NFIB: variants seen among roughly 807,000 people sequenced by gnomAD.
The protein encoded by NFIB is nuclear factor 1 B-type.
NFIB carries 11 observed loss-of-function variants against 61.5 expected under a neutral mutation model. That is an observed-to-expected ratio of 0.18 (90% confidence interval 0.11 to 0.30). The LOEUF (loss-of-function observed/expected upper bound fraction) is 0.30. NFIB is among the 10% of genes least tolerant of loss of function. The pLI is 1.00. For missense variants in NFIB, 471 were observed against 608.9 expected, an observed-to-expected ratio of 0.77 and a Z score of 2.38; for synonymous variants, 260 against 216.5, an observed-to-expected ratio of 1.20 and a Z score of -1.76.
intron 7 of NFIB, among the ~76,000 whole-genome samples, chr9:14,124,988 A>G (rs2039440699): frequency 2.0e-5 from 3 of 152,204 alleles, no homozygotes; most frequent in Admixed American, 1.3e-4. Flanking sequence ...ACTCAGCAAC[A>G]TAACTGAAAT....
the NFIB span, among the ~76,000 whole-genome samples, chr9:14,452,438 GAAGGAAAGGAAAGGA>G: frequency 8.2e-5 from 2 of 24,244 alleles, no homozygotes; most frequent in Non-Finnish European, 7.2e-5. Context: ...GGAGGGAGGG[GAAGGAAAGGAAAGGA>G]AAGGAAAGGA....
In NFIB at chr9:14,105,443, TACA is replaced by T. The variant is rs1172565953; in HGVS notation, c.1467+7553_1467+7555del. ...ATCTGTTTAGATTGTGCACTACCAT[TACA>T]ACATTTCTTGAACTTTCTGAGGAGA... is the stretch of plus-strand genomic sequence containing the variant. On this transcript the variant is annotated intron_variant, in intron 10 of 10. Coordinates refer to ENST00000380953, the MANE Select transcript of NFIB (RefSeq NM_001190737.2). 9.8e-5 allele frequency among the ~76,000 whole-genome samples: 15 copies of T among 152,320 alleles called. No homozygotes were observed. The East Asian group carries it at 2.5e-3, about 25-fold the overall frequency.
chr9:14,087,655 A>T lies in NFIB; in HGVS notation c.*654T>A, dbSNP rs556179175. The stretch of plus-strand genomic sequence containing the variant: ...TGGAAAAGGCTGGGTTAAGGGCCGA[A>T]ATTTAATAAATCTGTACTGATAACT... On this transcript the variant is annotated 3_prime_UTR_variant, in exon 11 of 11. Coordinates refer to ENST00000380953, the MANE Select transcript of NFIB (RefSeq NM_001190737.2). 4.6e-6 allele frequency: 1 copy of T among 216,810 alleles called. No individual in the cohort carries two copies. Among genetic ancestry groups the T allele is most frequent in the South Asian group, 1.9e-4 (1 of 5,394 alleles). The allele number at this position is 216,810 out of a possible 1,614,324, so 13.4% of individuals were successfully genotyped here.
Position 14,306,968 on chromosome 9 carries a change from A to G in NFIB, c.562+21T>C, listed in dbSNP as rs2060054269. The G allele has an allele frequency of 9.3e-6, 15 of 1,610,750 alleles. No individual in the cohort carries two copies. The South Asian group carries it at 1.6e-4, about 18-fold the overall frequency. ...GTAGGCGGTGTTTGCCGTGCTAGAA[A>G]AAAGAACAATCTGCTCCTACCTTGC... On this transcript the variant is annotated intron_variant, in intron 2 of 10. Transcript: ENST00000380953.
the NFIB span, among the ~76,000 whole-genome samples, chr9:14,407,769 T>C: frequency 6.6e-6 from 1 of 152,152 alleles, no homozygotes; most frequent in Admixed American, 6.6e-5. Context: ...TCACTGTAAC[T>C]TAAACTCCTG....
intron 2 of NFIB, among the ~76,000 whole-genome samples, chr9:14,213,560 C>A (rs963113405): frequency 1.3e-5 from 2 of 152,142 alleles, no homozygotes; most frequent in African/African-American, 4.8e-5. Flanking sequence ...TGCTGCTGGT[C>A]GTGGGACCAA....
chr9:14,128,891 A>G (rs1351572505), intron 6 of NFIB, among the ~76,000 whole-genome samples: 1 of 152,184 alleles, frequency 6.6e-6, no homozygotes, highest in Non-Finnish European at 1.5e-5. Flanking sequence ...GTGTTTATAT[A>G]GAAGTTGAAG....
intron 2 of NFIB, among the ~76,000 whole-genome samples, chr9:14,287,822 G>A (rs1158486975): frequency 6.6e-6 from 1 of 152,050 alleles, no homozygotes; most frequent in Non-Finnish European, 1.5e-5. Context: ...AAAGCTGGGT[G>A]TTATTTTATT....
chr9:14,338,267 G>A (rs566440418), intron 1 of NFIB, among the ~76,000 whole-genome samples: 4 of 152,228 alleles, frequency 2.6e-5, no homozygotes, highest in African/African-American at 4.8e-5. Context: ...GGTGGCGGGC[G>A]CTTGTAGTCT....
At chr9:14,162,660 A>T (rs534337425) in intron 3 of NFIB, among the ~76,000 whole-genome samples, 215 of 152,250 alleles carry the variant, frequency 1.4e-3, no homozygotes, top group Non-Finnish European at 2.6e-3. Context: ...TTTCATAAAA[A>T]GTTATTGAAT....
At chr9:14,204,646 T>C in intron 2 of NFIB, 4 of 663,872 alleles carry the variant, frequency 6.0e-6, no homozygotes, top group Non-Finnish European at 8.1e-6. Context: ...TAAGAACACC[T>C]GTCCTTCAAG....
intron 2 of NFIB, among the ~76,000 whole-genome samples, chr9:14,262,299 C>A (rs2056831334): frequency 6.6e-6 from 1 of 152,192 alleles, no homozygotes; most frequent in African/African-American, 2.4e-5. Flanking sequence ...CCCAGAGATA[C>A]CATCAAACCT....
intron 2 of NFIB, chr9:14,204,818 C>T (rs890598845): frequency 6.2e-6 from 3 of 480,662 alleles, no homozygotes; most frequent in Non-Finnish European, 7.7e-6. Context: ...AAGACTGGGA[C>T]ATCTAATCCA....
intron 1 of NFIB, among the ~76,000 whole-genome samples, chr9:14,382,178 T>TA (rs2061495571): frequency 6.6e-6 from 1 of 152,190 alleles, no homozygotes; most frequent in African/African-American, 2.4e-5. Context: ...GTTAGCTTCC[T>TA]AAAAAAGTTA....
At chr9:14,338,031 T>C (rs751806948) in intron 1 of NFIB, among the ~76,000 whole-genome samples, 20 of 152,210 alleles carry the variant, frequency 1.3e-4, no homozygotes, top group Non-Finnish European at 2.8e-4. Context: ...TTTCTTAATA[T>C]TTTTACCTTC....
intron 8 of NFIB, among the ~76,000 whole-genome samples, chr9:14,118,454 T>C (rs998997141): frequency 3.3e-5 from 5 of 152,192 alleles, no homozygotes; most frequent in Admixed American, 6.5e-5. Flanking sequence ...TAGACACTTC[T>C]CTCATTTGAA....
chr9:14,502,850 G>A, the NFIB span, among the ~76,000 whole-genome samples: 1 of 152,072 alleles, frequency 6.6e-6, no homozygotes, highest in Non-Finnish European at 1.5e-5. Flanking sequence ...AGTGTACACT[G>A]TACCCAGTGT....
chr9:14,146,559 T>C (rs2042295479), intron 6 of NFIB, 130 bp downstream of exon 6: 1 of 1,290,266 alleles, frequency 7.8e-7, no homozygotes, highest in African/African-American at 1.5e-5. Context: ...AAAATAATTC[T>C]ACAGGAATCA....
chr9:14,298,593 G>C (rs2059576657), intron 2 of NFIB, among the ~76,000 whole-genome samples: 2 of 152,102 alleles, frequency 1.3e-5, no homozygotes, highest in Admixed American at 6.5e-5. Flanking sequence ...ACAAAAGAAA[G>C]TCACTTCTAC....
Sources: gnomAD v4.1 joint callset for allele counts (sites outside exome capture counted in the v4.1 genomes callset) on GRCh38, gnomAD v4.1.1 for gene constraint, MANE v1.5 for transcripts, NCBI Gene and HGNC (gene_info 2026-07-23, HGNC 2026-07-21) for gene names.